The following COL4A3 variants were observed in gnomAD, a reference collection of about 807,000 sequenced individuals.
The protein encoded by COL4A3 is collagen type IV alpha 3 chain, also known as collagen alpha-3(IV) chain.
In COL4A3, 135 loss-of-function variants were observed where a neutral mutation model predicts 217.4. The observed-to-expected ratio is 0.62, with a 90% CI of 0.54 to 0.72. The LOEUF (loss-of-function observed/expected upper bound fraction) is 0.72, where lower values mean the gene tolerates loss of function less well. Among genes scored for constraint, COL4A3 ranks in the 30% least tolerant of loss-of-function variants. The pLI, the probability that COL4A3 is intolerant of heterozygous loss-of-function variation, is 0.00. For missense variants in COL4A3, 1,868 were observed against 2,119.9 expected, an observed-to-expected ratio of 0.88 and a Z score of 2.33; for synonymous variants, 690 against 736.3, an observed-to-expected ratio of 0.94 and a Z score of 1.02.
intron 1 of COL4A3, among the ~76,000 whole-genome samples, chr2:227,227,001 A>G (rs1395877804): frequency 1.3e-5 from 2 of 152,226 alleles, no homozygotes; most frequent in Non-Finnish European, 2.9e-5. Flanking sequence ...GGACATTGAG[A>G]TTTAAAGTTT....
chr2:227,273,219 C>T (rs770847917), intron 26 of COL4A3, 102 bp downstream of exon 26: 8 of 1,252,722 alleles, frequency 6.4e-6, no homozygotes, highest in Non-Finnish European at 8.1e-6. Context: ...TAGAAACTTG[C>T]TTCTAACGAA....
rs370837247 is a variant in COL4A3 at position 227,266,542 on chromosome 2, A to G, written c.1408+33A>G. The G allele has an allele frequency of 9.9e-6, 15 of 1,514,996 alleles. No individual in the cohort carries two copies. The African/African-American group carries it at 2.1e-4, about 21-fold the overall frequency. The allele number at this position is 1,514,996 out of a possible 1,614,324, so 93.8% of individuals were successfully genotyped here. A position where few individuals can be genotyped will look rare whatever the true frequency, so the allele number is the denominator to read the frequency against. ...CAATCAATAATGTTGTATTAGGATA[A>G]GCCTTTTTCATCGTCATTATTATCA... On this transcript the variant is annotated intron_variant, in intron 22 of 51. Coordinates refer to ENST00000396578, the MANE Select transcript of COL4A3 (RefSeq NM_000091.5).
intron 9 of COL4A3, among the ~76,000 whole-genome samples, chr2:227,249,230 A>ATATATATATTTTTTTTTTTTTTTTT: frequency 2.0e-4 from 3 of 14,692 alleles, no homozygotes; most frequent in Non-Finnish European, 3.7e-4. Context: ...ATATATATAT[A>ATATATATATTTTTTTTTTTTTTTTT]TTTTTTTTTT....
intron 1 of COL4A3, among the ~76,000 whole-genome samples, chr2:227,180,192 A>G (rs1339376448): frequency 6.6e-6 from 1 of 152,194 alleles, no homozygotes; most frequent in Non-Finnish European, 1.5e-5. Context: ...CATCTTACGC[A>G]AAAGCAGATC....
intron 47 of COL4A3, among the ~76,000 whole-genome samples, chr2:227,306,052 C>A (rs1036879618): frequency 1.3e-5 from 2 of 152,154 alleles, no homozygotes; most frequent in Non-Finnish European, 2.9e-5. Context: ...CATAGGTGCA[C>A]AGTAGAGTGC....
rs190786072 is a variant in COL4A3, at chr2:227,184,941, G to A, written c.87+20128G>A. ...TTTTGAGATGGAGTCTCACTCTGTC[G>A]CCCAGGCTGGAGTGCAGTGGTGTGA... On this transcript the variant is annotated intron_variant, in intron 1 of 51. Transcript: ENST00000396578. 1.4e-3 allele frequency among the ~76,000 whole-genome samples: 163 copies of A among 113,820 alleles called. 2 individuals carry two copies. The highest frequency in any genetic ancestry group is 1.0e-3 in the Non-Finnish European group (64 of 61,658). 74.7% of individuals were successfully genotyped at this position (113,820 alleles called of 152,430 possible).
At chr2:227,278,409 A>C (rs747629807) in intron 28 of COL4A3, among the ~76,000 whole-genome samples, 1 of 152,192 alleles carries the variant, frequency 6.6e-6, no homozygotes, top group Non-Finnish European at 1.5e-5. Flanking sequence ...TGTTTGTTAC[A>C]ATATTCTTTA....
chr2:227,166,393 G>A (rs953068686), intron 1 of COL4A3, among the ~76,000 whole-genome samples: 1 of 148,018 alleles, frequency 6.8e-6, no homozygotes, highest in East Asian at 1.9e-4. Context: ...GTGTTGTGGG[G>A]AAGCCTGGAG....
intron 37 of COL4A3, among the ~76,000 whole-genome samples, 176 bp from the exon 38 acceptor site, chr2:227,293,015 G>T (rs554502580): frequency 6.6e-6 from 1 of 152,050 alleles, no homozygotes; most frequent in African/African-American, 2.4e-5. Flanking sequence ...TTTTGCACTG[G>T]GCCCCATAAA....
At chr2:227,277,275 C>T (rs539044604) in intron 27 of COL4A3, among the ~76,000 whole-genome samples, 174 bp from the exon 28 acceptor site, 8 of 147,102 alleles carry the variant, frequency 5.4e-5, no homozygotes, top group African/African-American at 1.3e-4. Flanking sequence ...GCTGAGATAG[C>T]GCCACTGCAC....
chr2:227,165,966 C>T (rs1376732336), intron 1 of COL4A3, among the ~76,000 whole-genome samples: 3 of 152,208 alleles, frequency 2.0e-5, no homozygotes, highest in Non-Finnish European at 2.9e-5. Context: ...TGAATTTACA[C>T]ACACACATAT....
chr2:227,238,189 AG>A (rs1166577330), intron 2 of COL4A3, 165 bp downstream of exon 2: 87 of 524,770 alleles, frequency 1.7e-4, no homozygotes, highest in African/African-American at 1.3e-3. Flanking sequence ...AAAAAAAAAA[AG>A]AAAAAAGTCA....
intron 1 of COL4A3, among the ~76,000 whole-genome samples, chr2:227,221,855 T>C (rs1408148247): frequency 5.3e-5 from 8 of 151,950 alleles, no homozygotes; most frequent in Admixed American, 5.3e-4. Context: ...GATTTGAATA[T>C]AAATTTGAAG....
At chr2:227,290,125 A>C in intron 36 of COL4A3, 37 bp downstream of exon 36, 10 of 1,574,590 alleles carry the variant, frequency 6.4e-6, no homozygotes, top group African/African-American at 1.3e-5. Flanking sequence ...CCACAAGCTC[A>C]TGATGGGTGA....
At chr2:227,248,114 A>G (rs747491103) in intron 8 of COL4A3, among the ~76,000 whole-genome samples, 3 of 152,006 alleles carry the variant, frequency 2.0e-5, no homozygotes, top group Non-Finnish European at 2.9e-5. Context: ...TAATTCTTGT[A>G]TTTTTAGTAG....
chr2:227,269,994 T>C lies in COL4A3; in HGVS notation c.1575+14T>C, dbSNP rs1346120968. 5 of 1,606,690 alleles carry C rather than the reference T, an allele frequency of 3.1e-6. No individual in the cohort carries two copies. The highest frequency in any genetic ancestry group is 4.3e-6 in the Non-Finnish European group (5 of 1,173,936). On this transcript the variant is annotated intron_variant, in intron 24 of 51. Coordinates refer to ENST00000396578, the MANE Select transcript of COL4A3 (RefSeq NM_000091.5). The stretch of plus-strand genomic sequence containing the variant: ...CCAGGATTTCCAGTAAGATTTCATG[T>C]TTTTAAATCTTTAGCTTCAATTTGA...
Position 227,277,660 on chromosome 2 carries a change from A to G in COL4A3, c.2125+107A>G, listed in dbSNP as rs2071665779. On this transcript the variant is annotated intron_variant, in intron 28 of 51. Coordinates refer to ENST00000396578, the MANE Select transcript of COL4A3 (RefSeq NM_000091.5). ...TACAATATGAAGATATAAATAGGAT[A>G]TAAGATATAAAATGAGTAAAATAGG... 6 of 709,136 alleles carry G rather than the reference A, an allele frequency of 8.5e-6. 1 individual carries two copies. The highest frequency in any genetic ancestry group is 5.0e-5 in the South Asian group (3 of 60,358). The allele number at this position is 709,136 out of a possible 1,614,324, so 43.9% of individuals were successfully genotyped here.
rs139131952 is a variant in COL4A3, at chr2:227,300,157, A to G, written c.3882+1345A>G. Reference sequence around the variant, plus strand: ...AGCCTCTGGAATGAACGCCCTCCAGAAGTAAGAAGTCAATACCCCAGTGAG... The same window carrying G: ...AGCCTCTGGAATGAACGCCCTCCAGGAGTAAGAAGTCAATACCCCAGTGAG... On this transcript the variant is annotated intron_variant, in intron 43 of 51. Transcript: ENST00000396578. 7.9e-5 allele frequency among the ~76,000 whole-genome samples: 12 copies of G among 152,294 alleles called. No homozygotes were observed. The East Asian group carries it at 2.1e-3, about 27-fold the overall frequency.
chr2:227,245,042 C>A, intron 5 of COL4A3, 47 bp downstream of exon 5: 1 of 1,552,856 alleles, frequency 6.4e-7, no homozygotes, highest in South Asian at 1.1e-5. Context: ...AAAGTAAGCT[C>A]ATTTTAATAA....
Sources: gnomAD v4.1 joint callset for allele counts (sites outside exome capture counted in the v4.1 genomes callset) on GRCh38, gnomAD v4.1.1 for gene constraint, MANE v1.5 for transcripts, NCBI Gene and HGNC (gene_info 2026-07-23, HGNC 2026-07-21) for gene names.